Variants in PRELID2 observed in about 807,000 individuals in gnomAD.
PRELID2 encodes the protein PRELI domain-containing protein 2.
PRELID2 carries 25 observed loss-of-function variants against 28.4 expected under a neutral mutation model. The observed-to-expected ratio is 0.88, with a 90% confidence interval of 0.64 to 1.23. PRELID2 has a LOEUF of 1.23. PRELID2 is among the 50% of genes most tolerant of loss of function. The pLI is 0.00. For synonymous variants in PRELID2, 76 were observed against 71.6 expected (o/e 1.06, Z -0.31); for missense variants, 201 against 214.4 (o/e 0.94, Z 0.39).
At chr5:145,326,545 T>C in the PRELID2 span, among the ~76,000 whole-genome samples, 4 of 152,334 alleles carry the variant, frequency 2.6e-5, no homozygotes, top group African/African-American at 9.6e-5. Flanking sequence ...AGTTTTGCAT[T>C]TTATAGTAAT....
chr5:145,406,573 C>T, the PRELID2 span, among the ~76,000 whole-genome samples: 1 of 152,158 alleles, frequency 6.6e-6, no homozygotes, highest in Non-Finnish European at 1.5e-5. Flanking sequence ...AGATTGGAGA[C>T]AGAACTAATG....
rs116702958 is a variant in PRELID2 at position 145,689,952 on chromosome 5, G to A, written n.70+74979C>T. Among the ~76,000 whole-genome samples, 605 of 148,926 alleles carry A rather than the reference G, an allele frequency of 4.1e-3. 3 individuals carry two copies. Among genetic ancestry groups the A allele is most frequent in the African/African-American group, 0.014 (583 of 40,398 alleles). On this transcript the variant is annotated intron_variant and non_coding_transcript_variant, in intron 1 of 2. Transcript: ENST00000510259. ...TAATCCTGGAATACTTTTAAGTGCC[G>A]TTCACCTTACTTCCAGTTTCCTTCT...
At chr5:145,779,750 G>A (rs1196768017) in intron 5 of PRELID2, among the ~76,000 whole-genome samples, 2 of 152,046 alleles carry the variant, frequency 1.3e-5, no homozygotes, top group African/African-American at 4.8e-5. Context: ...AAGATATATA[G>A]TATTATTCAT....
At chr5:145,474,369 C>T (rs568825882) in intron 1 of PRELID2, among the ~76,000 whole-genome samples, 100 of 152,292 alleles carry the variant, frequency 6.6e-4, no homozygotes, top group Middle Eastern at 3.4e-3. Context: ...AGAGAACTCT[C>T]CCAGGCACTG....
chr5:145,617,791 T>G (rs1394631857), intron 1 of PRELID2, among the ~76,000 whole-genome samples: 1 of 151,638 alleles, frequency 6.6e-6, no homozygotes, highest in Admixed American at 6.6e-5. Context: ...TGGAGTGAAA[T>G]GGCGCTATCT....
the PRELID2 span, among the ~76,000 whole-genome samples, chr5:145,357,197 A>T: frequency 1.3e-5 from 2 of 152,104 alleles, no homozygotes; most frequent in Admixed American, 6.5e-5. Context: ...ACCTTGAAGA[A>T]TCTGATAATG....
chr5:145,538,863 A>T (rs1011622791), intron 1 of PRELID2, among the ~76,000 whole-genome samples: 12 of 151,912 alleles, frequency 7.9e-5, no homozygotes, highest in Non-Finnish European at 2.9e-5. Flanking sequence ...AAATTTTTGA[A>T]GCCCTTGTTA....
chr5:145,661,060 CAT>C (rs1472952579), intron 1 of PRELID2, among the ~76,000 whole-genome samples: 2 of 152,118 alleles, frequency 1.3e-5, no homozygotes, highest in African/African-American at 2.4e-5. Flanking sequence ...TACATTGGGG[CAT>C]ATGAGGTAAA....
chr5:145,489,992 A>G (rs960190546), intron 1 of PRELID2, among the ~76,000 whole-genome samples: 1 of 152,212 alleles, frequency 6.6e-6, no homozygotes, highest in African/African-American at 2.4e-5. Context: ...GAATTCTTAT[A>G]TTGAAAGATT....
intron 1 of PRELID2, among the ~76,000 whole-genome samples, chr5:145,531,121 T>C (rs1752651831): frequency 6.6e-6 from 1 of 152,178 alleles, no homozygotes; most frequent in East Asian, 1.9e-4. Context: ...CTTTGATCTA[T>C]CTCACTATAT....
At chr5:145,724,327 T>C (rs1317014998) in intron 1 of PRELID2, among the ~76,000 whole-genome samples, 1 of 151,686 alleles carries the variant, frequency 6.6e-6, no homozygotes, top group African/African-American at 2.4e-5. Context: ...AGAAGCCATC[T>C]ACAAAATAAA....
chr5:145,436,651 A>G, the PRELID2 span, among the ~76,000 whole-genome samples: 1 of 151,852 alleles, frequency 6.6e-6, no homozygotes, highest in Admixed American at 6.6e-5. Flanking sequence ...TTTGATTTGC[A>G]TTTATCCAGT....
the PRELID2 span, among the ~76,000 whole-genome samples, chr5:145,375,840 G>T: frequency 6.6e-6 from 1 of 152,346 alleles, no homozygotes; most frequent in African/African-American, 2.4e-5. Context: ...CAGGGGAAAA[G>T]CACAGCCTGG....
intron 1 of PRELID2, among the ~76,000 whole-genome samples, chr5:145,719,241 A>G (rs1009391109): frequency 5.5e-4 from 83 of 152,078 alleles, no homozygotes; most frequent in African/African-American, 2.0e-3. Flanking sequence ...GTCTAAGATT[A>G]AATTAAAATC....
chr5:145,665,752 C>G (rs968152285), intron 1 of PRELID2, among the ~76,000 whole-genome samples: 1 of 152,128 alleles, frequency 6.6e-6, no homozygotes, highest in Non-Finnish European at 1.5e-5. Flanking sequence ...ACATGCTGTT[C>G]TTCTCTGAAG....
chr5:145,258,064 G>A, the PRELID2 span, among the ~76,000 whole-genome samples: 1 of 151,958 alleles, frequency 6.6e-6, no homozygotes, highest in Admixed American at 6.6e-5. Context: ...TTCTTTCTTT[G>A]CCTTCCATAA....
chr5:145,467,528 T>C (rs1417095276), downstream of PRELID2, among the ~76,000 whole-genome samples: 1 of 152,216 alleles, frequency 6.6e-6, no homozygotes, highest in East Asian at 1.9e-4. Context: ...CATTTTATGT[T>C]ACATTAGCTA....
chr5:145,514,270 A>C (rs564727900), intron 1 of PRELID2, among the ~76,000 whole-genome samples: 1 of 151,320 alleles, frequency 6.6e-6, no homozygotes, highest in East Asian at 1.9e-4. Context: ...AGACACACAT[A>C]GGCTCAAAAC....
chr5:145,714,886 C>T (rs1041381092), intron 1 of PRELID2, among the ~76,000 whole-genome samples: 12 of 152,212 alleles, frequency 7.9e-5, no homozygotes, highest in African/African-American at 2.6e-4. Flanking sequence ...CTGGGCTCCG[C>T]TACTTATTCC....
Sources: gnomAD v4.1 joint callset for allele counts (sites outside exome capture counted in the v4.1 genomes callset) on GRCh38, gnomAD v4.1.1 for gene constraint, MANE v1.5 for transcripts, NCBI Gene and HGNC (gene_info 2026-07-23, HGNC 2026-07-21) for gene names.